The following TPMT variants were observed in gnomAD, a reference collection of about 807,000 sequenced individuals.
TPMT encodes S-adenosyl-L-methionine:thiopurine S-methyltransferase.
In TPMT, 18 loss-of-function variants were observed where a neutral mutation model predicts 34.2. The ratio of observed to expected loss-of-function variants is 0.53; its 90% CI spans 0.36 to 0.78. The LOEUF (loss-of-function observed/expected upper bound fraction) is 0.78, where lower values mean the gene tolerates loss of function less well. TPMT is among the 30% of genes least tolerant of loss of function. The pLI, the probability that TPMT is intolerant of heterozygous loss-of-function variation, is 0.00. For missense variants in TPMT, 265 were observed against 288.1 expected (o/e 0.92, Z 0.58); for synonymous variants, 69 against 92.4 (o/e 0.75, Z 1.45).
At position 18,135,110 on chromosome 6, in the gene TPMT, G is replaced by A. The variant is rs77134359; in HGVS notation, c.495-1221C>T. Reference sequence around the variant, plus strand: ...TTTCTGTACCTCAGTTTCCTCACCTGTAACATGAGGATAAGACTAATAACC... The same window carrying A: ...TTTCTGTACCTCAGTTTCCTCACCTATAACATGAGGATAAGACTAATAACC... On this transcript the variant is annotated intron_variant, in intron 6 of 8. Transcript: ENST00000309983. The surrounding 1 kb of genome is among the most constrained non-coding windows in gnomAD (Gnocchi z 5.0). 0.043 allele frequency among the ~76,000 whole-genome samples: 6,603 copies of A among 152,308 alleles called. 167 individuals carry two copies. The highest frequency in any genetic ancestry group is 0.056 in the African/African-American group (2,309 of 41,574).
Position 18,149,242 on chromosome 6 carries a change from CTA to C in TPMT, c.-44-73_-44-72del. ...TTCTATTGATGAACTAAATGAAAACCTATTATTCTTAGCAGTATGACTTTTTA... is the reference window on the plus strand; with the variant it reads ...TTCTATTGATGAACTAAATGAAAACCTTATTCTTAGCAGTATGACTTTTTA... On this transcript the variant is annotated intron_variant, in intron 1 of 8. Coordinates refer to ENST00000309983, the MANE Select transcript of TPMT (RefSeq NM_000367.5). This position sits in a 1 kb window ranked among gnomAD's most constrained non-coding sequence, Gnocchi z 5.0. The C allele has an allele frequency of 7.6e-7, 1 of 1,315,504 alleles. No homozygotes were observed. Among genetic ancestry groups the C allele is most frequent in the Non-Finnish European group, 1.1e-6 (1 of 920,364 alleles). The allele number at this position is 1,315,504 out of a possible 1,614,324, so 81.5% of individuals were successfully genotyped here.
At chr6:18,141,077 T>C (rs12663332) in intron 4 of TPMT, among the ~76,000 whole-genome samples, 1 of 152,084 alleles carries the variant, frequency 6.6e-6, no homozygotes, top group African/African-American at 2.4e-5. Context: ...TAAACAGTAC[T>C]GATGCCAGGG....
Position 18,143,120 on chromosome 6 carries a change from C to T in TPMT, c.366+476G>A, listed in dbSNP as rs1243644719. ...TCTGTCACCATGCTTCAGGAAGCAC[C>T]GCCAGGTTGGGCAGGTAACTCCCAT... On this transcript the variant is annotated intron_variant, in intron 4 of 8. Coordinates refer to ENST00000309983, the MANE Select transcript of TPMT (RefSeq NM_000367.5). The surrounding 1 kb of genome is among the most constrained non-coding windows in gnomAD (Gnocchi z 6.1). 7.9e-5 allele frequency among the ~76,000 whole-genome samples: 12 copies of T among 152,180 alleles called. No individual in the cohort carries two copies. The highest frequency in any genetic ancestry group is 7.2e-4 in the Admixed American group (11 of 15,278).
intron 4 of TPMT, among the ~76,000 whole-genome samples, chr6:18,142,603 GTGTT>G (rs904628674): frequency 6.6e-6 from 1 of 152,006 alleles, no homozygotes; most frequent in Non-Finnish European, 1.5e-5. Flanking sequence ...CACTTGGGTA[GTGTT>G]TGTTTATTTA....
rs890757870 is a variant in TPMT, at chr6:18,135,522, T to C, written c.495-1633A>G. ...TATAATGTGCTAACATGGTAAGTAC[T>C]GAGTACCAGCATGTAGATAAAGAAC... On this transcript the variant is annotated intron_variant, in intron 6 of 8. Transcript: ENST00000309983. The surrounding 1 kb of genome is among the most constrained non-coding windows in gnomAD (Gnocchi z 5.0). Among the ~76,000 whole-genome samples, 7 of 152,164 alleles carry C rather than the reference T, an allele frequency of 4.6e-5. No homozygotes were observed. Among genetic ancestry groups the C allele is most frequent in the Admixed American group, 1.3e-4 (2 of 15,282 alleles).
chr6:18,133,025 G>A (rs2842948), intron 7 of TPMT, among the ~76,000 whole-genome samples: 94,862 of 151,950 alleles, frequency 0.62, 30,836 homozygotes, highest in East Asian at 0.74. Flanking sequence ...CCCGGAAGGC[G>A]GACGTTGCAG....
chr6:18,130,465 C>T lies in TPMT; in HGVS notation c.*203G>A, dbSNP rs1194568204. The T allele has an allele frequency of 5.7e-6, 3 of 525,000 alleles. No individual in the cohort carries two copies. Among genetic ancestry groups the T allele is most frequent in the Non-Finnish European group, 3.4e-6 (1 of 291,668 alleles). The allele number at this position is 525,000 out of a possible 1,614,324, so 32.5% of individuals were successfully genotyped here. A position where few individuals can be genotyped will look rare whatever the true frequency, so the allele number is the denominator to read the frequency against. On this transcript the variant is annotated 3_prime_UTR_variant, in exon 9 of 9. Transcript: ENST00000309983. This position sits in a 1 kb window ranked among gnomAD's most constrained non-coding sequence, Gnocchi z 4.2. The stretch of plus-strand genomic sequence containing the variant: ...CATAATCTCCTCTCCAAAGGAGCTA[C>T]TTTAAAAGTTTAGTTACATCTTTTT...
chr6:18,133,822 C>T lies in TPMT; in HGVS notation c.562G>A (p.Asp188Asn), dbSNP rs1270632409. The change falls in exon 7 of 9, where the codon GAT becomes AAT. Residue 188 changes from aspartate to asparagine, a missense_variant. Transcript: ENST00000309983. ...FQYLLCVLSY[D>N]PTKHPGPPFY... ...ACTTTACCTGGATGTTTAGTTGGAT[C>T]ATAAGAAAGAACACACAGGAGATAC... 1 of 1,606,990 alleles carries T rather than the reference C, an allele frequency of 6.2e-7. No individual in the cohort carries two copies. The highest frequency in any genetic ancestry group is 8.5e-7 in the Non-Finnish European group (1 of 1,178,180).
chr6:18,133,964 G>A (rs1783995212), intron 6 of TPMT, 75 bp from the exon 7 acceptor site: 14 of 1,236,552 alleles, frequency 1.1e-5, no homozygotes, highest in Non-Finnish European at 1.7e-5. Flanking sequence ...AGGCAGGGAA[G>A]GAAGCCAGAA....
rs1200258990 is a variant in TPMT, at chr6:18,148,730, G to T, written c.140+258C>A. Among the ~76,000 whole-genome samples, 1 of 152,040 alleles carries T rather than the reference G, an allele frequency of 6.6e-6. No individual in the cohort carries two copies. The highest frequency in any genetic ancestry group is 2.4e-5 in the African/African-American group (1 of 41,392). On this transcript the variant is annotated intron_variant, in intron 2 of 8. Coordinates refer to ENST00000309983, the MANE Select transcript of TPMT (RefSeq NM_000367.5). This position sits in a 1 kb window ranked among gnomAD's most constrained non-coding sequence, Gnocchi z 4.1. Reference sequence around the variant, plus strand: ...CAGGGCCAATACATAGGTGCCGTAGGGATCAAAGAACATATTTTATAAATC... The same window carrying T: ...CAGGGCCAATACATAGGTGCCGTAGTGATCAAAGAACATATTTTATAAATC...
Position 18,149,022 on chromosome 6 carries a change from C to T in TPMT, c.106G>A (p.Gly36Ser), listed in dbSNP as rs750424422. 30 of 1,613,846 alleles carry T rather than the reference C, an allele frequency of 1.9e-5. No individual in the cohort carries two copies. The highest frequency in any genetic ancestry group is 1.1e-4 in the East Asian group (5 of 44,882). ...TGTTCCTGATGAAAAGCAGTCTTGC[C>T]GTTCACCCACTTGTCTTGCCATTCT... ...LEEWQDKWVN[G>S]KTAFHQEQGH... The change falls in exon 2 of 9, where the codon GGC becomes AGC. Residue 36 changes from glycine (G) to serine (S), a missense_variant. Coordinates refer to ENST00000309983, the MANE Select transcript of TPMT (RefSeq NM_000367.5). This position sits in a 1 kb window ranked among gnomAD's most constrained non-coding sequence, Gnocchi z 5.0.
chr6:18,151,200 T>C (rs1024441182), intron 1 of TPMT, among the ~76,000 whole-genome samples: 1 of 147,804 alleles, frequency 6.8e-6, no homozygotes, highest in Admixed American at 6.7e-5. Flanking sequence ...TTTTTTTTTT[T>C]TGCTATCAAT....
chr6:18,139,671 A>T lies in TPMT; in HGVS notation c.413T>A (p.Leu138His). 6.2e-7 allele frequency: 1 copy of T among 1,613,588 alleles called. No homozygotes were observed. The highest frequency in any genetic ancestry group is 8.5e-7 in the Non-Finnish European group (1 of 1,179,638). Residue 138 changes from leucine (L) to histidine (H), a missense_variant, in exon 5 of 9, where the codon CTT becomes CAT. By Grantham distance (99) the Leu-to-His change is moderately conservative. Coordinates refer to ENST00000309983, the MANE Select transcript of TPMT (RefSeq NM_000367.5). This position sits in a 1 kb window ranked among gnomAD's most constrained non-coding sequence, Gnocchi z 4.2. Reference protein sequence around the residue: ...ISLYCCSIFDLPRTNIGKFDM... With the variant: ...ISLYCCSIFDHPRTNIGKFDM... ...GATGTAGTATTCAACCTACCTGGGAAGATCAAAAATACTGCAACAGTACAA... is the reference window on the plus strand; with the variant it reads ...GATGTAGTATTCAACCTACCTGGGATGATCAAAAATACTGCAACAGTACAA...
chr6:18,134,006 T>G (rs958547013), intron 6 of TPMT, 117 bp from the exon 7 acceptor site: 1 of 772,114 alleles, frequency 1.3e-6, no homozygotes, highest in Non-Finnish European at 2.2e-6. Flanking sequence ...GAGTTTAAAT[T>G]CTCCTAATAA....
intron 4 of TPMT, among the ~76,000 whole-genome samples, chr6:18,142,297 T>C (rs1267707158): frequency 6.6e-6 from 1 of 151,984 alleles, no homozygotes; most frequent in Non-Finnish European, 1.5e-5. Flanking sequence ...ACCTGGGGAA[T>C]TTACCCCAGA....
chr6:18,139,553 T>C lies in TPMT; in HGVS notation c.419+112A>G. 1 of 856,452 alleles carries C rather than the reference T, an allele frequency of 1.2e-6. No individual in the cohort carries two copies. The highest frequency in any genetic ancestry group is 2.0e-5 in the Admixed American group (1 of 49,550). 53.1% of individuals were successfully genotyped at this position (856,452 alleles called of 1,614,324 possible). A position where few individuals can be genotyped will look rare whatever the true frequency, so the allele number is the denominator to read the frequency against. ...CAGAACAGACATTCAAAAAAATGCTTTGTGGATGTTACACAGGAGGAAGAG... is the reference window on the plus strand; with the variant it reads ...CAGAACAGACATTCAAAAAAATGCTCTGTGGATGTTACACAGGAGGAAGAG... On this transcript the variant is annotated intron_variant, in intron 5 of 8. Transcript: ENST00000309983. This position sits in a 1 kb window ranked among gnomAD's most constrained non-coding sequence, Gnocchi z 4.2.
rs1242548836 is a variant in TPMT at position 18,145,068 on chromosome 6, G to C, written c.234-1340C>G. On this transcript the variant is annotated intron_variant, in intron 3 of 8. Coordinates refer to ENST00000309983, the MANE Select transcript of TPMT (RefSeq NM_000367.5). This position sits in a 1 kb window ranked among gnomAD's most constrained non-coding sequence, Gnocchi z 5.6. The stretch of plus-strand genomic sequence containing the variant: ...GGACTCAAGAGAAAACAGTACCAGT[G>C]GTACAAATATCTAGGCACAGTTATG... 1.3e-5 allele frequency among the ~76,000 whole-genome samples: 2 copies of C among 152,042 alleles called. No individual in the cohort carries two copies. Among genetic ancestry groups the C allele is most frequent in the Admixed American group, 1.3e-4 (2 of 15,248 alleles).
chr6:18,154,587 A>C lies in TPMT; in HGVS notation c.-45+446T>G, dbSNP rs1784439817. ...ACTAATACACCAGGCTGGGGAAAAA[A>C]CCGAGAGTCCGTTTCTATAAAAAAA... is the stretch of plus-strand genomic sequence containing the variant. On this transcript the variant is annotated intron_variant, in intron 1 of 8. Transcript: ENST00000309983. This position sits in a 1 kb window ranked among gnomAD's most constrained non-coding sequence, Gnocchi z 4.2. Among the ~76,000 whole-genome samples, 1 of 151,946 alleles carries C rather than the reference A, an allele frequency of 6.6e-6. No individual in the cohort carries two copies. The highest frequency in any genetic ancestry group is 1.9e-4 in the East Asian group (1 of 5,178).
intron 1 of TPMT, among the ~76,000 whole-genome samples, chr6:18,152,636 T>C (rs866647692): frequency 3.3e-5 from 5 of 151,612 alleles, no homozygotes; most frequent in Non-Finnish European, 7.4e-5. Context: ...TTGCCCAGGC[T>C]GGAGTGCAGT....
Sources: allele counts gnomAD v4.1 joint callset (sites outside exome capture counted in the v4.1 genomes callset), GRCh38; gene constraint gnomAD v4.1.1; non-coding constraint Gnocchi (gnomAD v3.1); transcripts MANE v1.5; gene names NCBI Gene and HGNC (gene_info 2026-07-23, HGNC 2026-07-21).